The following MTUS2 variants were observed in gnomAD, a reference collection of about 807,000 sequenced individuals.
The protein encoded by MTUS2 is microtubule associated scaffold protein 2.
Under a neutral mutation model 114.1 loss-of-function variants are expected in MTUS2, and 40 were observed. The observed-to-expected ratio is 0.35, with a 90% CI of 0.27 to 0.46. The LOEUF (loss-of-function observed/expected upper bound fraction) is 0.46. MTUS2 is among the 20% of genes least tolerant of loss of function. The pLI, the probability that MTUS2 is intolerant of heterozygous loss-of-function variation, is 1.00. For synonymous variants in MTUS2, 688 were observed against 672.0 expected (o/e 1.02, Z -0.37); for missense variants, 1,679 against 1,705.4 (o/e 0.98, Z 0.27).
intron 2 of MTUS2, among the ~76,000 whole-genome samples, chr13:28,961,348 G>T (rs1883319239): frequency 6.6e-6 from 1 of 152,044 alleles, no homozygotes; most frequent in Admixed American, 6.5e-5. Flanking sequence ...TCAAACTTGT[G>T]AAAACAAAAG....
intron 5 of MTUS2, among the ~76,000 whole-genome samples, chr13:29,171,141 A>AGTGT (rs34538842): frequency 3.0e-3 from 449 of 150,280 alleles, no homozygotes; most frequent in African/African-American, 7.0e-3. Context: ...AGAGAGAGAG[A>AGTGT]GTGTGTGTGT....
intron 5 of MTUS2, among the ~76,000 whole-genome samples, chr13:29,242,181 A>G (rs1896757375): frequency 6.6e-6 from 1 of 152,188 alleles, no homozygotes; most frequent in African/African-American, 2.4e-5. Context: ...AACCATAACC[A>G]TATCTAGTTT....
chr13:29,439,591 A>T (rs1396776362), intron 8 of MTUS2, among the ~76,000 whole-genome samples: 1 of 152,234 alleles, frequency 6.6e-6, no homozygotes, highest in Admixed American at 6.5e-5. Context: ...TGGCCCTCAG[A>T]GAAATATGGC....
intron 2 of MTUS2, among the ~76,000 whole-genome samples, chr13:28,982,678 G>T (rs1343425472): frequency 6.6e-6 from 1 of 152,176 alleles, no homozygotes; most frequent in African/African-American, 2.4e-5. Context: ...ACATAACAGT[G>T]GAATATTATT....
chr13:29,348,131 G>A (rs969862698), intron 7 of MTUS2, among the ~76,000 whole-genome samples: 7 of 152,122 alleles, frequency 4.6e-5, no homozygotes, highest in African/African-American at 1.7e-4. Flanking sequence ...CAGAGGAAGG[G>A]GAGAGAGGCA....
intron 2 of MTUS2, among the ~76,000 whole-genome samples, chr13:28,881,017 G>T (rs563892303): frequency 1.3e-5 from 2 of 152,212 alleles, no homozygotes; most frequent in South Asian, 2.1e-4. Flanking sequence ...AGACTTGGGG[G>T]GTTTGTTACG....
intron 4 of MTUS2, among the ~76,000 whole-genome samples, chr13:29,090,425 C>T (rs1434116282): frequency 6.6e-6 from 1 of 152,098 alleles, no homozygotes; most frequent in African/African-American, 2.4e-5. Context: ...GTCGTGGGGG[C>T]TGCAGGAGAG....
chr13:28,995,235 G>C (rs901621190), intron 2 of MTUS2, among the ~76,000 whole-genome samples: 1 of 152,172 alleles, frequency 6.6e-6, no homozygotes, highest in East Asian at 1.9e-4. Context: ...ATTTCTGAGG[G>C]CTGTGTTCTG....
chr13:29,010,125 C>T (rs9551587), intron 2 of MTUS2, among the ~76,000 whole-genome samples: 5,292 of 151,104 alleles, frequency 0.035, 140 homozygotes, highest in East Asian at 0.11. Context: ...GCAGGAGAAT[C>T]GCTGGAACCC....
intron 4 of MTUS2, among the ~76,000 whole-genome samples, chr13:29,036,656 G>T (rs1887088865): frequency 1.3e-5 from 2 of 152,172 alleles, no homozygotes; most frequent in South Asian, 4.1e-4. Flanking sequence ...CTCTTTGTAG[G>T]TCTCTAAGAA....
chr13:28,962,774 C>T (rs571227091), intron 2 of MTUS2, among the ~76,000 whole-genome samples: 1 of 152,248 alleles, frequency 6.6e-6, no homozygotes, highest in South Asian at 2.1e-4. Flanking sequence ...CTGGGTGTCT[C>T]AGAGGTGCTG....
rs140513984 is a variant in MTUS2, at chr13:29,497,664, C to T, written c.3678+328C>T. On this transcript the variant is annotated intron_variant, in intron 13 of 15. Coordinates refer to ENST00000612955, the MANE Select transcript of MTUS2 (RefSeq NM_001033602.4). The stretch of plus-strand genomic sequence containing the variant: ...GACCACCCCTTCCAGCCCATTCTCC[C>T]GCAACTTTTTAAGCTGACATGGGGC... 547 of 309,326 alleles carry T rather than the reference C, an allele frequency of 1.8e-3. 1 individual carries two copies. Among genetic ancestry groups the T allele is most frequent in the African/African-American group, 8.4e-3 (404 of 48,050 alleles). The allele number at this position is 309,326 out of a possible 1,614,324, so 19.2% of individuals were successfully genotyped here.
intron 2 of MTUS2, among the ~76,000 whole-genome samples, chr13:29,013,802 G>A (rs965951539): frequency 3.9e-5 from 6 of 152,128 alleles, no homozygotes; most frequent in East Asian, 3.9e-4. Context: ...ACAGGCACAC[G>A]CATACCTACA....
intron 2 of MTUS2, among the ~76,000 whole-genome samples, chr13:28,970,884 T>C (rs368855231): frequency 1.3e-5 from 2 of 152,200 alleles, no homozygotes; most frequent in East Asian, 3.9e-4. Context: ...CTCAGGGTTA[T>C]AGGGTCCACC....
intron 4 of MTUS2, among the ~76,000 whole-genome samples, chr13:29,093,650 T>C (rs1890057418): frequency 1.3e-5 from 2 of 152,206 alleles, no homozygotes. Flanking sequence ...TATAATAGTT[T>C]TTTAGTGGAT....
Position 29,024,800 on chromosome 13 carries a change from T to C in MTUS2, c.102T>C (p.Asp34=), listed in dbSNP as rs1886436434. Reference sequence around the variant, plus strand: ...ATGAAAGCATCTTAAGTCTGGGAGATACGAATGCCAATCAAATCATGTTGG... The same window carrying C: ...ATGAAAGCATCTTAAGTCTGGGAGACACGAATGCCAATCAAATCATGTTGG... The part of the protein sequence containing the change: ...NNNESILSLG[D]TNANQIMLEV... Residue 34 remains aspartate, a synonymous_variant, in exon 3 of 16, where the codon GAT becomes GAC. Coordinates refer to ENST00000612955, the MANE Select transcript of MTUS2 (RefSeq NM_001033602.4). 1 of 1,613,886 alleles carries C rather than the reference T, an allele frequency of 6.2e-7. No homozygotes were observed. Among genetic ancestry groups the C allele is most frequent in the Admixed American group, 1.7e-5 (1 of 60,014 alleles).
chr13:29,171,480 A>G (rs1049224643), intron 5 of MTUS2, among the ~76,000 whole-genome samples: 1 of 152,184 alleles, frequency 6.6e-6, no homozygotes, highest in African/African-American at 2.4e-5. Flanking sequence ...TGGGTCAGAC[A>G]GGGACTTGTT....
At chr13:28,873,670 T>C in intron 2 of MTUS2, among the ~76,000 whole-genome samples, 1 of 152,214 alleles carries the variant, frequency 6.6e-6, no homozygotes, top group East Asian at 1.9e-4. Flanking sequence ...TTGCCAGCTA[T>C]GCAGAATTTC....
At chr13:29,414,721 G>T (rs1397608251) in intron 8 of MTUS2, among the ~76,000 whole-genome samples, 1 of 151,684 alleles carries the variant, frequency 6.6e-6, no homozygotes, top group Non-Finnish European at 1.5e-5. Flanking sequence ...TCCCTGTTCA[G>T]GTTGGTTAGC....
Sources: allele counts gnomAD v4.1 joint callset (sites outside exome capture counted in the v4.1 genomes callset), GRCh38; gene constraint gnomAD v4.1.1; transcripts MANE v1.5; gene names NCBI Gene and HGNC (gene_info 2026-07-23, HGNC 2026-07-21).